The following SCN1B variants were observed in gnomAD, a reference collection of about 807,000 sequenced individuals.
The protein encoded by SCN1B is sodium channel regulatory subunit beta-1.
A neutral mutation model predicts 25.7 loss-of-function variants in SCN1B; 11 were observed. The ratio of observed to expected loss-of-function variants is 0.43; its 90% CI spans 0.27 to 0.71. The LOEUF is 0.71. Among genes scored for constraint, SCN1B ranks in the 30% least tolerant of loss-of-function variants. SCN1B has a pLI of 0.21. For missense variants in SCN1B, 224 were observed against 291.5 expected (o/e 0.77, Z 1.69); for synonymous variants, 119 against 117.5 (o/e 1.01, Z -0.08).
At chr19:35,033,915 G>A in intron 3 of SCN1B, 176 bp downstream of exon 3, 1 of 1,574,786 alleles carries the variant, frequency 6.4e-7, no homozygotes, top group Non-Finnish European at 8.6e-7. Flanking sequence ...TCTGGCCTCT[G>A]TTTCTCTCCA....
rs1304634018 is a variant in SCN1B, at chr19:35,030,594, C to T, written c.-227C>T. On this transcript the variant is annotated 5_prime_UTR_variant, in exon 1 of 6. Coordinates refer to ENST00000262631, the MANE Select transcript of SCN1B (RefSeq NM_001037.5). Reference sequence around the variant, plus strand: ...CAGCAGCCCGAGCAGCGGCCGCCGCCCGCGCGGCGGGGATGCCCGGACGCC... The same window carrying T: ...CAGCAGCCCGAGCAGCGGCCGCCGCTCGCGCGGCGGGGATGCCCGGACGCC... 4 of 151,982 alleles carry T rather than the reference C, an allele frequency of 2.6e-5. No individual in the cohort carries two copies. The highest frequency in any genetic ancestry group is 9.8e-5 in the African/African-American group (4 of 40,968). 9.4% of individuals were successfully genotyped at this position (151,982 alleles called of 1,614,324 possible).
intron 3 of SCN1B, chr19:35,034,635 A>G (rs1296498438): frequency 1.2e-5 from 2 of 167,110 alleles, no homozygotes. Flanking sequence ...GGGCCACGGC[A>G]CACACATCCT....
At chr19:35,034,375 T>A in intron 3 of SCN1B, 1 of 490,898 alleles carries the variant, frequency 2.0e-6, no homozygotes, top group Non-Finnish European at 3.7e-6. Context: ...AGCTCTCAGG[T>A]GAGGCAGTGA....
In SCN1B at chr19:35,033,928, C is replaced by T. The variant is rs766373298; in HGVS notation, c.448+189C>T. On this transcript the variant is annotated intron_variant, in intron 3 of 5. Transcript: ENST00000262631. ...GCTCTGGCCTCTGTTTCTCTCCAGC[C>T]CACGGAGAGGTCAAAGCATGCCTGT... 2 of 1,561,736 alleles carry T rather than the reference C, an allele frequency of 1.3e-6. No individual in the cohort carries two copies. Among genetic ancestry groups the T allele is most frequent in the Admixed American group, 1.9e-5 (1 of 51,586 alleles).
At chr19:35,034,085 G>C (rs76302703) in intron 3 of SCN1B, 3 of 1,551,658 alleles carry the variant, frequency 1.9e-6, no homozygotes, top group East Asian at 2.4e-5. Context: ...TGTGTTTCTC[G>C]GGGTGTGGTT....
chr19:35,035,889 G>T (rs2064244575), intron 3 of SCN1B: 2 of 151,664 alleles, frequency 1.3e-5, no homozygotes, highest in African/African-American at 4.8e-5. Context: ...TTGTTAAAGA[G>T]ACCAAGTCTT....
In SCN1B at chr19:35,030,551, C is replaced by G. The variant is rs1376555110; in HGVS notation, c.-270C>G. The G allele has an allele frequency of 1.3e-5, 2 of 149,894 alleles. No individual in the cohort carries two copies. The highest frequency in any genetic ancestry group is 4.9e-5 in the African/African-American group (2 of 40,982). 9.3% of individuals were successfully genotyped at this position (149,894 alleles called of 1,614,324 possible). On this transcript the variant is annotated 5_prime_UTR_variant, in exon 1 of 6. Transcript: ENST00000262631. ...GGTCGGTGCACCTAGCGGATGTGCC[C>G]GGCTGCGCGCGCCAGCGCAGCAGCC...
At chr19:35,039,483 C>A in intron 4 of SCN1B, 152 bp from the exon 5 acceptor site, 1 of 1,002,144 alleles carries the variant, frequency 1.0e-6, no homozygotes, top group Non-Finnish European at 1.5e-6. Context: ...CCAGATTCCT[C>A]AAAGACCCTG....
At chr19:35,035,034 G>A (rs1441929128) in intron 3 of SCN1B, 1 of 152,254 alleles carries the variant, frequency 6.6e-6, no homozygotes, top group Non-Finnish European at 1.5e-5. Flanking sequence ...GGGGGTGGGG[G>A]TCACCCGCAG....
chr19:35,038,977 G>C, intron 3 of SCN1B, 140 bp from the exon 4 acceptor site: 1 of 1,005,242 alleles, frequency 9.9e-7, no homozygotes, highest in East Asian at 2.4e-5. Context: ...CCTACCCAAG[G>C]CTGGGTATTA....
rs375165496 is a variant in SCN1B at position 35,034,444 on chromosome 19, G to A, written c.448+705G>A. 2.0e-5 allele frequency: 6 copies of A among 303,924 alleles called. No homozygotes were observed. The East Asian group carries it at 2.3e-4, about 12-fold the overall frequency. 18.8% of individuals were successfully genotyped at this position (303,924 alleles called of 1,614,324 possible). The stretch of plus-strand genomic sequence containing the variant: ...GCAAGGGCCTACAGCGCTTTTGAAC[G>A]TCTCATCATTTTGCCTCAGCCACCC... On this transcript the variant is annotated intron_variant, in intron 3 of 5. Coordinates refer to ENST00000262631, the MANE Select transcript of SCN1B (RefSeq NM_001037.5).
At chr19:35,038,812 G>T (rs371034607) in intron 3 of SCN1B, 1 of 453,660 alleles carries the variant, frequency 2.2e-6, no homozygotes, top group Non-Finnish European at 4.1e-6. Context: ...CTTGCGCAAG[G>T]TCACACAGCT....
Position 35,039,639 on chromosome 19 carries a change from G to A in SCN1B, c.595G>A (p.Glu199Lys). ...TACCTGGCCTTTCCCCCACAGCTCG[G>A]AATACCTGGCCATCACCTCTGAAAG... is the stretch of plus-strand genomic sequence containing the variant. Reference protein sequence around the residue: ...TETAAQENASEYLAITSESKE... With the variant: ...TETAAQENASKYLAITSESKE... The change falls in exon 5 of 6, where the codon GAA becomes AAA. Residue 199 changes from glutamate (E) to lysine (K), a missense_variant. Physicochemically the swap from Glu to Lys is moderately conservative, Grantham distance 56 (BLOSUM62 1). This residue lies in a region of SCN1B where 52 missense variants were observed against 50.8 expected (regional missense o/e 1.02). Coordinates refer to ENST00000262631, the MANE Select transcript of SCN1B (RefSeq NM_001037.5). 1 of 1,614,200 alleles carries A rather than the reference G, an allele frequency of 6.2e-7. No individual in the cohort carries two copies. The highest frequency in any genetic ancestry group is 8.5e-7 in the Non-Finnish European group (1 of 1,180,018).
rs908175232 is a variant in SCN1B at position 35,037,809 on chromosome 19, A to T, written c.449-1308A>T. The T allele has an allele frequency of 2.0e-5, 3 of 151,684 alleles. No individual in the cohort carries two copies. In the East Asian group the frequency reaches 5.8e-4, roughly 29 times the overall value. The allele number at this position is 151,684 out of a possible 1,614,324, so 9.4% of individuals were successfully genotyped here. ...AAAAAAAAAAAAAAAAAAGGAAAAA[A>T]TTCACCTGGCCTAGTGGTGCACACT... On this transcript the variant is annotated intron_variant, in intron 3 of 5. Transcript: ENST00000262631.
rs1394205593 is a variant in SCN1B at position 35,032,155 on chromosome 19, A to G, written c.41-373A>G. 6.6e-6 allele frequency among the ~76,000 whole-genome samples: 1 copy of G among 152,090 alleles called. No individual in the cohort carries two copies. Among genetic ancestry groups the G allele is most frequent in the African/African-American group, 2.4e-5 (1 of 41,400 alleles). On this transcript the variant is annotated intron_variant, in intron 1 of 5. Transcript: ENST00000262631. This position sits in a 1 kb window ranked among gnomAD's most constrained non-coding sequence, Gnocchi z 4.3. ...ACTTAGCTGGAATTCTCATTCTACC[A>G]CCTAGATGCTTGGGTTCCTCCAGCA...
rs1025947105 is a variant in SCN1B, at chr19:35,040,307, C to T, written c.*516C>T. The T allele has an allele frequency of 2.4e-5, 4 of 169,920 alleles. No individual in the cohort carries two copies. Among genetic ancestry groups the T allele is most frequent in the Admixed American group, 2.2e-4 (4 of 18,170 alleles). 10.5% of individuals were successfully genotyped at this position (169,920 alleles called of 1,614,324 possible). A position where few individuals can be genotyped will look rare whatever the true frequency, so the allele number is the denominator to read the frequency against. On this transcript the variant is annotated 3_prime_UTR_variant, in exon 6 of 6. Coordinates refer to ENST00000262631, the MANE Select transcript of SCN1B (RefSeq NM_001037.5). ...TCCTCCGGCTGGACCTGGGGTCCCC[C>T]CTCCCTGTAATGCACTCCTGCCCCG...
chr19:35,035,597 CCTCT>C (rs1243695703), intron 3 of SCN1B: 1 of 150,476 alleles, frequency 6.6e-6, no homozygotes, highest in African/African-American at 2.4e-5. Context: ...CTGGCCTGAG[CCTCT>C]CTTTTTTAGG....
At chr19:35,039,583 G>A (rs1187573730) in intron 4 of SCN1B, 52 bp from the exon 5 acceptor site, 1 of 1,586,350 alleles carries the variant, frequency 6.3e-7, no homozygotes, top group Non-Finnish European at 8.7e-7. Flanking sequence ...TCCCCCGGGG[G>A]TTGGGTCGGT....
intron 3 of SCN1B, chr19:35,037,413 G>C (rs1201795744): frequency 6.6e-6 from 1 of 152,242 alleles, no homozygotes; most frequent in African/African-American, 2.4e-5. Flanking sequence ...CTGCCTGTGA[G>C]ATGCCGTGTT....
Sources: allele counts gnomAD v4.1 joint callset (sites outside exome capture counted in the v4.1 genomes callset), GRCh38; gene constraint gnomAD v4.1.1; regional missense constraint gnomAD v4.1.1; non-coding constraint Gnocchi (gnomAD v3.1); transcripts MANE v1.5; gene names NCBI Gene and HGNC (gene_info 2026-07-23, HGNC 2026-07-21).